Variants in TMEFF1 observed in about 807,000 individuals in gnomAD.
TMEFF1 encodes tomoregulin-1.
Under a neutral mutation model 47.5 loss-of-function variants are expected in TMEFF1, and 20 were observed. The observed-to-expected ratio is 0.42, with a 90% CI of 0.30 to 0.61. The LOEUF is 0.61. TMEFF1 is among the 20% of genes least tolerant of loss of function. The probability of loss-of-function intolerance (pLI) is 0.19; values close to 1 mark genes in which losing one functional copy is unlikely to be tolerated. For synonymous variants in TMEFF1, 162 were observed against 166.3 expected (o/e 0.97, Z 0.20); for missense variants, 411 against 471.1 (o/e 0.87, Z 1.18).
intron 5 of TMEFF1, among the ~76,000 whole-genome samples, chr9:100,525,572 T>A (rs539763490): frequency 2.3e-4 from 35 of 150,918 alleles, no homozygotes; most frequent in African/African-American, 8.0e-4. Context: ...ACCCCCCGTA[T>A]TCTGAGTTTT....
intron 5 of TMEFF1, among the ~76,000 whole-genome samples, chr9:100,525,512 A>G (rs1838238546): frequency 7.5e-6 from 1 of 132,548 alleles, no homozygotes; most frequent in Non-Finnish European, 1.7e-5. Context: ...GTCTGTCCCC[A>G]TGGAGTCAAG....
At chr9:100,492,909 G>T (rs1181559675) in intron 1 of TMEFF1, among the ~76,000 whole-genome samples, 5 of 152,146 alleles carry the variant, frequency 3.3e-5, no homozygotes. Flanking sequence ...AATATATTTA[G>T]GTTCCTCTAC....
At chr9:100,561,353 GC>G in intron 7 of TMEFF1, 43 bp from the exon 8 acceptor site, 8 of 1,587,152 alleles carry the variant, frequency 5.0e-6, no homozygotes, top group Non-Finnish European at 6.8e-6. Context: ...TTATTTTTCA[GC>G]TTGCGTTTCA....
At chr9:100,554,288 T>C (rs138044372) in intron 7 of TMEFF1, among the ~76,000 whole-genome samples, 1 of 152,252 alleles carries the variant, frequency 6.6e-6, no homozygotes, top group African/African-American at 2.4e-5. Context: ...GGAAAGACTG[T>C]GAGCCAAGCG....
intron 5 of TMEFF1, among the ~76,000 whole-genome samples, chr9:100,540,230 C>T (rs528867770): frequency 1.8e-4 from 27 of 151,884 alleles, no homozygotes; most frequent in South Asian, 1.3e-3. Context: ...AAGTCCCCAC[C>T]GGATTAGCTA....
Position 100,513,289 on chromosome 9 carries a change from CT to C in TMEFF1, c.437-15del, listed in dbSNP as rs1405865380. ...TCCGGGAAAAATGTTCATATTCATT[CT>C]TTGTTTTTCTTCTCAGATAATGGAT... On this transcript the variant is annotated splice_polypyrimidine_tract_variant and intron_variant, in intron 3 of 9. Coordinates refer to ENST00000374879, the MANE Select transcript of TMEFF1 (RefSeq NM_003692.5). The C allele has an allele frequency of 1.3e-6, 2 of 1,583,912 alleles. No homozygotes were observed. Among genetic ancestry groups the C allele is most frequent in the African/African-American group, 2.7e-5 (2 of 73,274 alleles).
Position 100,498,845 on chromosome 9 carries a change from G to A in TMEFF1, c.277G>A (p.Asp93Asn). ...KYGGVCKEDG[D>N]GLKCACQFQC... is the part of the protein sequence containing the mutation. ...TGGAGGAGTCTGTAAAGAAGATGGA[G>A]ATGGTTTGAAATGTGCATGCCAATT... The change falls in exon 2 of 10, where the codon GAT (aspartate) becomes AAT (asparagine). Residue 93 changes from aspartate (D) to asparagine (N), a missense_variant. Physicochemically the swap from Asp to Asn is conservative, Grantham distance 23. Coordinates refer to ENST00000374879, the MANE Select transcript of TMEFF1 (RefSeq NM_003692.5). 1.6e-5 allele frequency: 26 copies of A among 1,613,928 alleles called. No individual in the cohort carries two copies. The highest frequency in any genetic ancestry group is 2.2e-5 in the Non-Finnish European group (26 of 1,179,886).
intron 7 of TMEFF1, among the ~76,000 whole-genome samples, chr9:100,554,477 A>G (rs748829712): frequency 3.3e-5 from 5 of 151,996 alleles, no homozygotes; most frequent in African/African-American, 4.8e-5. Flanking sequence ...CTAGGAAGTA[A>G]TGTGGCCTTG....
rs1055242536 is a variant in TMEFF1 at position 100,477,225 on chromosome 9, A to G, written c.196+3485A>G. Among the ~76,000 whole-genome samples, 8 of 152,212 alleles carry G rather than the reference A, an allele frequency of 5.3e-5. 1 individual carries two copies. The highest frequency in any genetic ancestry group is 1.7e-4 in the African/African-American group (7 of 41,448). ...GTGAAAAAGGATGGAACCCTGCGACATATTACTGGAGACTTTCTACCAACT... is the reference window on the plus strand; with the variant it reads ...GTGAAAAAGGATGGAACCCTGCGACGTATTACTGGAGACTTTCTACCAACT... On this transcript the variant is annotated intron_variant, in intron 1 of 9. Transcript: ENST00000374879.
At chr9:100,494,206 CAA>C (rs543991655) in intron 1 of TMEFF1, among the ~76,000 whole-genome samples, 991 of 54,234 alleles carry the variant, frequency 0.018, 3 homozygotes, top group African/African-American at 0.059. Flanking sequence ...GACCTTGTCT[CAA>C]AAAAAAAAAA....
At chr9:100,524,440 G>T (rs545800156) in intron 5 of TMEFF1, among the ~76,000 whole-genome samples, 1 of 152,342 alleles carries the variant, frequency 6.6e-6, no homozygotes, top group South Asian at 2.1e-4. Flanking sequence ...GCAGGGTCTG[G>T]TTTTCAGCTC....
At chr9:100,510,947 A>G (rs145369919) in intron 3 of TMEFF1, among the ~76,000 whole-genome samples, 45 of 152,100 alleles carry the variant, frequency 3.0e-4, no homozygotes, top group African/African-American at 9.4e-4. Context: ...ACGTGGCCCA[A>G]CCCCCAACAC....
intron 7 of TMEFF1, among the ~76,000 whole-genome samples, chr9:100,561,036 A>G (rs144942265): frequency 6.1e-4 from 93 of 152,334 alleles, no homozygotes; most frequent in African/African-American, 1.9e-3. Context: ...AGCCAATTCT[A>G]TGTACACCAT....
intron 1 of TMEFF1, among the ~76,000 whole-genome samples, chr9:100,474,310 A>G (rs1190750794): frequency 6.6e-6 from 1 of 151,266 alleles, no homozygotes; most frequent in African/African-American, 2.4e-5. Flanking sequence ...CGGTTTGGCG[A>G]TGCAGAGTGA....
At chr9:100,516,629 A>G (rs770904138) in intron 4 of TMEFF1, 46 bp from the exon 5 acceptor site, 6 of 1,598,482 alleles carry the variant, frequency 3.8e-6, no homozygotes, top group Non-Finnish European at 5.1e-6. Flanking sequence ...ATATCTGGAA[A>G]GGATCCCAAC....
chr9:100,547,524 G>A (rs965157124), intron 5 of TMEFF1, among the ~76,000 whole-genome samples: 13 of 152,072 alleles, frequency 8.5e-5, no homozygotes, highest in Admixed American at 6.5e-5. Flanking sequence ...GAAAATTCCA[G>A]AGAAACCACT....
intron 8 of TMEFF1, 151 bp downstream of exon 8, chr9:100,561,671 GA>G (rs1042512895): frequency 6.0e-5 from 73 of 1,213,154 alleles, no homozygotes; most frequent in Non-Finnish European, 6.8e-5. Flanking sequence ...GCATCATTTG[GA>G]AAAAAAAACT....
chr9:100,577,052 T>C lies in TMEFF1; in HGVS notation c.*452T>C, dbSNP rs1239289005. On this transcript the variant is annotated 3_prime_UTR_variant, in exon 10 of 10. Coordinates refer to ENST00000374879, the MANE Select transcript of TMEFF1 (RefSeq NM_003692.5). ...ATGTTTTTGAGATTTAGTAACTGAT[T>C]TTTTAGACACTGCCTATCGCATGAA... 1 of 154,320 alleles carries C rather than the reference T, an allele frequency of 6.5e-6. No individual in the cohort carries two copies. Among genetic ancestry groups the C allele is most frequent in the Non-Finnish European group, 1.4e-5 (1 of 69,114 alleles). 9.6% of individuals were successfully genotyped at this position (154,320 alleles called of 1,614,324 possible).
chr9:100,518,288 A>T (rs1338119134), intron 5 of TMEFF1: 1 of 242,272 alleles, frequency 4.1e-6, no homozygotes, highest in African/African-American at 2.3e-5. Context: ...GATAAAATAC[A>T]TATCTTTATG....
Sources: gnomAD v4.1 joint callset for allele counts (sites outside exome capture counted in the v4.1 genomes callset) on GRCh38, gnomAD v4.1.1 for gene constraint, MANE v1.5 for transcripts, NCBI Gene and HGNC (gene_info 2026-07-23, HGNC 2026-07-21) for gene names.